Variants in GADL1 observed in about 807,000 individuals in gnomAD.
GADL1 encodes acidic amino acid decarboxylase GADL1.
A neutral mutation model predicts 69.5 loss-of-function variants in GADL1; 71 were observed. The ratio of observed to expected loss-of-function variants is 1.02; its 90% CI spans 0.84 to 1.25. The LOEUF (loss-of-function observed/expected upper bound fraction) is 1.25. GADL1 is among the 50% of genes most tolerant of loss of function. The pLI is 0.00. For synonymous variants in GADL1, 254 were observed against 214.4 expected, an observed-to-expected ratio of 1.18 and a Z score of -1.62; for missense variants, 737 against 631.8, an observed-to-expected ratio of 1.17 and a Z score of -1.79.
chr3:30,751,884 T>G (rs968521025), intron 14 of GADL1, among the ~76,000 whole-genome samples: 1 of 152,224 alleles, frequency 6.6e-6, no homozygotes, highest in East Asian at 1.9e-4. Flanking sequence ...TAGCTTCCCT[T>G]TTCATCCCCA....
At chr3:30,757,663 G>A (rs1315569163) in intron 14 of GADL1, among the ~76,000 whole-genome samples, 1 of 152,108 alleles carries the variant, frequency 6.6e-6, no homozygotes, top group African/African-American at 2.4e-5. Context: ...GAAGGACCTA[G>A]AATTCCAATC....
rs1553636177 is a variant in GADL1 at position 30,758,894 on chromosome 3, G to GA, written c.1392+19284dup. ...TGAGCTTCCAGTGGAATATATAGGG[G>GA]ATTTGAGTCAACATTTGATCTCCTT... On this transcript the variant is annotated intron_variant, in intron 14 of 14. Transcript: ENST00000282538. 4.6e-5 allele frequency among the ~76,000 whole-genome samples: 7 copies of GA among 152,230 alleles called. No homozygotes were observed. In the South Asian group the frequency reaches 1.4e-3, roughly 32 times the overall value.
At chr3:30,779,939 A>G (rs1342590511) in intron 13 of GADL1, among the ~76,000 whole-genome samples, 1 of 152,154 alleles carries the variant, frequency 6.6e-6, no homozygotes, top group African/African-American at 2.4e-5. Flanking sequence ...GCTCACTTTC[A>G]TGGGTCTCCT....
chr3:30,778,844 A>C (rs2125496368), intron 13 of GADL1: 1 of 152,336 alleles, frequency 6.6e-6, no homozygotes, highest in South Asian at 2.1e-4. Flanking sequence ...AAAAGTGCGA[A>C]TTAGCTAGGG....
Position 30,861,741 on chromosome 3 carries a change from A to T in GADL1, c.62T>A (p.Ile21Asn). The change falls in exon 2 of 15, where the codon ATT becomes AAT. Residue 21 changes from isoleucine to asparagine, a missense_variant. Coordinates refer to ENST00000282538, the MANE Select transcript of GADL1 (RefSeq NM_207359.3). Reference sequence around the variant, plus strand: ...AAGAACAGCATTCTTCTTACTTGGAATCATCTCTTGTTGATCAATATCTCC... The same window carrying T: ...AAGAACAGCATTCTTCTTACTTGGATTCATCTCTTGTTGATCAATATCTCC... ...VDGDIDQQEMIPSKKNAVLVD... is the reference protein window; with the variant it reads ...VDGDIDQQEMNPSKKNAVLVD... The T allele has an allele frequency of 1.9e-6, 3 of 1,547,486 alleles. No individual in the cohort carries two copies. Among genetic ancestry groups the T allele is most frequent in the Non-Finnish European group, 2.6e-6 (3 of 1,144,970 alleles).
At chr3:30,806,758 AG>A (rs1358621583) in intron 11 of GADL1, among the ~76,000 whole-genome samples, 1 of 152,212 alleles carries the variant, frequency 6.6e-6, no homozygotes, top group Non-Finnish European at 1.5e-5. Flanking sequence ...TGGACAGATG[AG>A]AGAACAGAAC....
chr3:30,871,591 C>G (rs1698482260), intron 1 of GADL1, among the ~76,000 whole-genome samples: 1 of 151,836 alleles, frequency 6.6e-6, no homozygotes. Flanking sequence ...CTCTGTGCAT[C>G]AGCACCTTTC....
intron 14 of GADL1, among the ~76,000 whole-genome samples, chr3:30,753,647 G>A (rs1030330818): frequency 1.3e-5 from 2 of 151,974 alleles, no homozygotes; most frequent in Non-Finnish European, 2.9e-5. Context: ...TTGTTTACTT[G>A]CGGGATGTGG....
chr3:30,784,730 A>G (rs962977367), intron 13 of GADL1, among the ~76,000 whole-genome samples: 2 of 152,144 alleles, frequency 1.3e-5, no homozygotes, highest in Admixed American at 6.5e-5. Context: ...TTCTCATGAC[A>G]TCAAGAATAA....
At chr3:30,816,134 G>A (rs1697464879) in intron 11 of GADL1, among the ~76,000 whole-genome samples, 1 of 152,144 alleles carries the variant, frequency 6.6e-6, no homozygotes, top group Non-Finnish European at 1.5e-5. Context: ...TTTCAGTATA[G>A]ATGAGAGGCT....
At chr3:30,823,684 T>C (rs1214148923) in intron 11 of GADL1, among the ~76,000 whole-genome samples, 1 of 151,850 alleles carries the variant, frequency 6.6e-6, no homozygotes, top group East Asian at 1.9e-4. Context: ...GAAATAGTAA[T>C]AACACCAAAG....
intron 1 of GADL1, among the ~76,000 whole-genome samples, chr3:30,886,964 G>C (rs2125546931): frequency 6.6e-6 from 1 of 152,320 alleles, no homozygotes; most frequent in Admixed American, 6.5e-5. Context: ...AGTGTTTACA[G>C]GTATCATCTC....
At chr3:30,843,450 G>T (rs1698003427) in intron 8 of GADL1, among the ~76,000 whole-genome samples, 1 of 151,982 alleles carries the variant, frequency 6.6e-6, no homozygotes, top group African/African-American at 2.4e-5. Context: ...TAGTGACGGG[G>T]TTTCACTGTA....
intron 14 of GADL1, among the ~76,000 whole-genome samples, chr3:30,756,320 T>C (rs535726207): frequency 1.3e-5 from 2 of 151,986 alleles, no homozygotes; most frequent in South Asian, 4.2e-4. Context: ...AAATTGACTA[T>C]CTAGGATTCG....
At chr3:30,754,701 TCTA>T (rs1172933155) in intron 14 of GADL1, among the ~76,000 whole-genome samples, 4 of 152,190 alleles carry the variant, frequency 2.6e-5, no homozygotes, top group Non-Finnish European at 5.9e-5. Flanking sequence ...CTCTGGTTCT[TCTA>T]AAAGCCGTGG....
At chr3:30,846,859 G>C (rs1698066902) in intron 6 of GADL1, among the ~76,000 whole-genome samples, 1 of 152,126 alleles carries the variant, frequency 6.6e-6, no homozygotes, top group African/African-American at 2.4e-5. Context: ...AGGAGGAAGA[G>C]AAAGAGGCAC....
intron 14 of GADL1, among the ~76,000 whole-genome samples, chr3:30,775,402 A>G (rs577931200): frequency 1.3e-5 from 2 of 152,368 alleles, no homozygotes; most frequent in South Asian, 2.1e-4. Context: ...TACAGGTTAT[A>G]AATCATATAC....
At chr3:30,785,458 C>T (rs1048374082) in intron 13 of GADL1, among the ~76,000 whole-genome samples, 37 of 150,884 alleles carry the variant, frequency 2.5e-4, no homozygotes, top group African/African-American at 1.5e-4. Context: ...GATAGCTCAC[C>T]GCAACCACCG....
At chr3:30,784,837 C>T (rs1055706510) in intron 13 of GADL1, among the ~76,000 whole-genome samples, 10 of 152,178 alleles carry the variant, frequency 6.6e-5, no homozygotes. Context: ...CTTACCTGAC[C>T]ACCACCTGCT....
Sources: gnomAD v4.1 joint callset for allele counts (sites outside exome capture counted in the v4.1 genomes callset) on GRCh38, gnomAD v4.1.1 for gene constraint, MANE v1.5 for transcripts, NCBI Gene and HGNC (gene_info 2026-07-23, HGNC 2026-07-21) for gene names.